Variants in TSHR observed in about 807,000 individuals in gnomAD.
TSHR encodes thyrotropin receptor.
Under a neutral mutation model 64.1 loss-of-function variants are expected in TSHR, and 51 were observed. That is an observed-to-expected ratio of 0.80 (90% CI 0.64 to 1.01). The LOEUF (loss-of-function observed/expected upper bound fraction) is 1.01. TSHR is among the 50% of genes least tolerant of loss of function. The pLI is 0.00. For synonymous variants in TSHR, 361 were observed against 361.9 expected, an observed-to-expected ratio of 1.00 and a Z score of 0.03; for missense variants, 877 against 942.8, an observed-to-expected ratio of 0.93 and a Z score of 0.91.
intron 1 of TSHR, chr14:80,983,281 T>C (rs1888264922): frequency 1.7e-6 from 2 of 1,195,366 alleles, no homozygotes; most frequent in Non-Finnish European, 2.4e-6. Context: ...TCAAAGATAC[T>C]AGGGCAACTG....
At chr14:81,002,781 C>CTTTTTTTTTTTT (rs1174635270) in intron 1 of TSHR, among the ~76,000 whole-genome samples, 24 of 44,320 alleles carry the variant, frequency 5.4e-4, no homozygotes, top group African/African-American at 6.9e-4. Flanking sequence ...CCTAATGCCT[C>CTTTTTTTTTTTT]TTTTTTTTTT....
intron 1 of TSHR, among the ~76,000 whole-genome samples, chr14:80,966,295 T>A (rs1300812455): frequency 6.6e-6 from 1 of 152,192 alleles, no homozygotes; most frequent in East Asian, 1.9e-4. Flanking sequence ...ATAAATGAGA[T>A]ACTCTTCCAT....
At chr14:81,040,715 G>A (rs183031738) in intron 1 of TSHR, among the ~76,000 whole-genome samples, 2 of 152,218 alleles carry the variant, frequency 1.3e-5, no homozygotes, top group Non-Finnish European at 2.9e-5. Context: ...ACTATCAACA[G>A]AGTAAACAGA....
intron 6 of TSHR, chr14:81,093,723 C>T (rs1277063494): frequency 1.3e-5 from 2 of 152,268 alleles, no homozygotes; most frequent in South Asian, 4.1e-4. Context: ...CTCATCACAA[C>T]CTGGTGAGCG....
intron 1 of TSHR, chr14:80,995,649 G>A (rs1888970476): frequency 6.6e-6 from 1 of 152,024 alleles, no homozygotes; most frequent in African/African-American, 2.4e-5. Context: ...GGTGCATAGA[G>A]GGAACAGTAC....
chr14:81,079,122 A>C (rs924037197), intron 3 of TSHR, among the ~76,000 whole-genome samples: 1 of 152,224 alleles, frequency 6.6e-6, no homozygotes, highest in Non-Finnish European at 1.5e-5. Flanking sequence ...AAGTGGATAC[A>C]AATCATTTCC....
At chr14:81,110,391 G>A (rs1331202497) in intron 8 of TSHR, among the ~76,000 whole-genome samples, 2 of 152,156 alleles carry the variant, frequency 1.3e-5, no homozygotes, top group East Asian at 1.9e-4. Context: ...AGGGATGGGC[G>A]CTCACAGAGG....
rs188064270 is a variant in TSHR, at chr14:81,016,160, A to T, written c.171-45988A>T. Among the ~76,000 whole-genome samples, 191 of 152,290 alleles carry T rather than the reference A, an allele frequency of 1.3e-3. 1 individual carries two copies. Among genetic ancestry groups the T allele is most frequent in the Admixed American group, 3.7e-3 (57 of 15,282 alleles). On this transcript the variant is annotated intron_variant, in intron 1 of 9. Coordinates refer to ENST00000298171, the MANE Select transcript of TSHR (RefSeq NM_000369.5). ...TGCCCATAAGAGGGATTGCTGAATC[A>T]TATGGTGGCTCTATTTTTAAGTTTT... is the stretch of plus-strand genomic sequence containing the variant.
intron 7 of TSHR, among the ~76,000 whole-genome samples, chr14:81,106,266 C>A (rs1454553971): frequency 6.6e-6 from 1 of 152,212 alleles, no homozygotes; most frequent in East Asian, 1.9e-4. Flanking sequence ...AAATCACTAC[C>A]TCAACAAGAA....
chr14:81,106,938 CAA>C lies in TSHR; in HGVS notation c.615-1421_615-1420del, dbSNP rs5810011. 3.4e-3 allele frequency: 376 copies of C among 109,362 alleles called. 7 individuals are homozygous for C. The East Asian group carries it at 0.07, about 20-fold the overall frequency. The allele number at this position is 109,362 out of a possible 1,614,324, so 6.8% of individuals were successfully genotyped here. A position where few individuals can be genotyped will look rare whatever the true frequency, so the allele number is the denominator to read the frequency against. ...TGGGCGACAGAGTGAGACTCCATCT[CAA>C]AAAAAAAAAAAAAAAGAAGAAGAAG... On this transcript the variant is annotated intron_variant, in intron 7 of 9. Coordinates refer to ENST00000298171, the MANE Select transcript of TSHR (RefSeq NM_000369.5).
intron 1 of TSHR, among the ~76,000 whole-genome samples, chr14:80,997,295 C>T (rs1889072863): frequency 6.6e-6 from 1 of 152,166 alleles, no homozygotes; most frequent in Non-Finnish European, 1.5e-5. Context: ...GCACTTTAAC[C>T]TTTATCATCC....
rs573475238 is a variant in TSHR at position 81,036,883 on chromosome 14, C to CT, written c.171-25264dup. Among the ~76,000 whole-genome samples, 15 of 152,270 alleles carry CT rather than the reference C, an allele frequency of 9.9e-5. No individual in the cohort carries two copies. In the East Asian group the frequency reaches 2.7e-3, roughly 27 times the overall value. ...GGAGGCCAGGTGCAGTAGCTCATGC[C>CT]TGTAATCCCAACACTTTGGGAGGCC... On this transcript the variant is annotated intron_variant, in intron 1 of 9. Transcript: ENST00000298171.
intron 1 of TSHR, among the ~76,000 whole-genome samples, chr14:81,021,359 C>G (rs1228462129): frequency 6.6e-6 from 1 of 152,150 alleles, no homozygotes; most frequent in Non-Finnish European, 1.5e-5. Context: ...AAGCTCATCC[C>G]ACCATCTTAC....
At chr14:81,038,343 G>T (rs1884753653) in intron 1 of TSHR, among the ~76,000 whole-genome samples, 1 of 151,518 alleles carries the variant, frequency 6.6e-6, no homozygotes, top group Non-Finnish European at 1.5e-5. Context: ...GCAGTTCTAA[G>T]AGGGAAGTTT....
At chr14:80,967,948 G>T in intron 1 of TSHR, among the ~76,000 whole-genome samples, 1 of 152,178 alleles carries the variant, frequency 6.6e-6, no homozygotes, top group South Asian at 2.1e-4. Context: ...TGAGAATTCA[G>T]ATGACTTGCA....
Position 80,996,041 on chromosome 14 carries a change from A to T in TSHR, c.170+40191A>T, listed in dbSNP as rs1396378298. ...TAAGTCTTTTATGAAAATATTTTTA[A>T]ATGTCAGTTTTTTGTTGACCCTGCA... On this transcript the variant is annotated intron_variant, in intron 1 of 9. Coordinates refer to ENST00000298171, the MANE Select transcript of TSHR (RefSeq NM_000369.5). Among the ~76,000 whole-genome samples the T allele has an allele frequency of 3.9e-5, 6 of 152,284 alleles. No homozygotes were observed. In the East Asian group the frequency reaches 1.2e-3, roughly 29 times the overall value.
At chr14:80,965,381 A>T (rs1239565818) in intron 1 of TSHR, among the ~76,000 whole-genome samples, 1 of 152,174 alleles carries the variant, frequency 6.6e-6, no homozygotes, top group Non-Finnish European at 1.5e-5. Context: ...TTTGAATGTC[A>T]TGGTTTTCCT....
At chr14:81,140,362 A>AT (rs1891635751) in intron 9 of TSHR, among the ~76,000 whole-genome samples, 1 of 152,044 alleles carries the variant, frequency 6.6e-6, no homozygotes. Context: ...CAGCTCTGCC[A>AT]TTTTTCAAGC....
At chr14:81,072,763 C>T (rs1409659410) in intron 3 of TSHR, among the ~76,000 whole-genome samples, 2 of 137,868 alleles carry the variant, frequency 1.5e-5, no homozygotes, top group Non-Finnish European at 3.0e-5. Flanking sequence ...TTTGGGAGGC[C>T]GAGGCGGGCG....
Sources: allele counts gnomAD v4.1 joint callset (sites outside exome capture counted in the v4.1 genomes callset), GRCh38; gene constraint gnomAD v4.1.1; transcripts MANE v1.5; gene names NCBI Gene and HGNC (gene_info 2026-07-23, HGNC 2026-07-21).